MED24: variants seen among roughly 807,000 people sequenced by gnomAD.
MED24 encodes mediator complex subunit 24.
MED24 carries 74 observed loss-of-function variants against 118.8 expected under a neutral mutation model. The ratio of observed to expected loss-of-function variants is 0.62; its 90% CI spans 0.52 to 0.76. The LOEUF (loss-of-function observed/expected upper bound fraction) is 0.76. MED24 is among the 30% of genes least tolerant of loss of function. MED24 has a pLI of 0.00. For synonymous variants in MED24, 521 were observed against 523.9 expected (o/e 0.99, Z 0.08); for missense variants, 1,041 against 1,278.9 (o/e 0.81, Z 2.84).
At position 40,019,203 on chromosome 17, in the gene MED24, CAT is replaced by C. The variant is rs1555662004; in HGVS notation, c.*324_*325del. The stretch of plus-strand genomic sequence containing the variant: ...ACACACACACACACACACACACACA[CAT>C]ACACACTTTGCATCTAGAAAGTTCC... On this transcript the variant is annotated 3_prime_UTR_variant, in exon 26 of 26. Transcript: ENST00000394128. The C allele has an allele frequency of 1.5e-4, 46 of 302,478 alleles. No individual in the cohort carries two copies. The highest frequency in any genetic ancestry group is 7.0e-4 in the African/African-American group (32 of 45,516). 18.7% of individuals were successfully genotyped at this position (302,478 alleles called of 1,614,324 possible).
intron 3 of MED24, among the ~76,000 whole-genome samples, chr17:40,037,725 C>G (rs1186975972): frequency 6.6e-6 from 1 of 152,080 alleles, no homozygotes; most frequent in Non-Finnish European, 1.5e-5. Flanking sequence ...TCCTGGCTGA[C>G]ACGGTGAAAC....
In MED24 at chr17:40,022,688, T is replaced by C. The variant is rs373136853; in HGVS notation, c.2389A>G (p.Lys797Glu). The C allele has an allele frequency of 2.9e-5, 47 of 1,613,792 alleles. No individual in the cohort carries two copies. Among genetic ancestry groups the C allele is most frequent in the Non-Finnish European group, 3.8e-5 (45 of 1,179,964 alleles). Residue 797 changes from lysine to glutamate, a missense_variant, in exon 21 of 26, where the codon AAG (lysine) becomes GAG (glutamate). By Grantham distance (56) the Lys-to-Glu change is moderately conservative. Transcript: ENST00000394128. The part of the protein sequence containing the change: ...ILPGLLTDSS[K>E]WHSLMDPPGT... ...GGGGGGTCCATGAGGCTGTGCCACT[T>C]GGAGGAGTCAGTGAGCAGGCCAGGT...
intron 23 of MED24, among the ~76,000 whole-genome samples, chr17:40,021,005 G>A (rs1598329052): frequency 1.3e-5 from 2 of 152,002 alleles, no homozygotes; most frequent in African/African-American, 2.4e-5. Flanking sequence ...CCCAGGAGGC[G>A]GAGGTTGCAG....
At chr17:40,036,904 C>T (rs1336990003) in intron 3 of MED24, among the ~76,000 whole-genome samples, 1 of 152,120 alleles carries the variant, frequency 6.6e-6, no homozygotes, top group Non-Finnish European at 1.5e-5. Flanking sequence ...CAGGGAGTGG[C>T]TGGGCGTGGT....
chr17:40,020,298 C>T lies in MED24; in HGVS notation c.2679G>A (p.Met893Ile). 1.9e-6 allele frequency: 3 copies of T among 1,578,508 alleles called. No individual in the cohort carries two copies. Among genetic ancestry groups the T allele is most frequent in the Non-Finnish European group, 2.6e-6 (3 of 1,162,714 alleles). Residue 893 changes from methionine to isoleucine, a missense_variant, in exon 24 of 26, where the codon ATG (methionine) becomes ATA (isoleucine). Around this residue, in one of 3 missense-constraint regions of MED24, gnomAD observed 587 missense variants for 694.4 expected, o/e 0.85. Transcript: ENST00000394128. The stretch of plus-strand genomic sequence containing the variant: ...CCAGGACTCGGTTCAGAGGGTCCCG[C>T]ATGTTGACCGTGTGGAGCTGAGAGG... ...LSASQLHTVNMRDPLNRVLAN... is the reference protein window; with the variant it reads ...LSASQLHTVNIRDPLNRVLAN...
rs1981689301 is a variant in MED24 at position 40,019,627 on chromosome 17, C to A, written c.2872G>T (p.Val958Leu). The change falls in exon 26 of 26, where the codon GTG becomes TTG. Residue 958 changes from valine (V) to leucine (L), a missense_variant. Val to Leu is a conservative substitution (Grantham distance 32, BLOSUM62 1). Transcript: ENST00000394128. ...ACCTTGGGGCTGGACATGGCTGACA[C>A]CTTCACCAGTTCCGACACCTGCCAC... ...PFTTVSELVK[V>L]SAMSSPKVVL... 1.3e-6 allele frequency: 2 copies of A among 1,598,586 alleles called. No homozygotes were observed. Among genetic ancestry groups the A allele is most frequent in the Non-Finnish European group, 1.7e-6 (2 of 1,170,050 alleles).
Position 40,019,489 on chromosome 17 carries a change from G to T in MED24, c.*40C>A, listed in dbSNP as rs757526700. 1.2e-5 allele frequency: 18 copies of T among 1,556,270 alleles called. No homozygotes were observed. The East Asian group carries it at 3.6e-4, about 31-fold the overall frequency. Reference sequence around the variant, plus strand: ...GCTTCCCTTGGAGGCGCCTGGGGCTGCGCCAGTCCCCAGCCCCCACTGCGG... The same window carrying T: ...GCTTCCCTTGGAGGCGCCTGGGGCTTCGCCAGTCCCCAGCCCCCACTGCGG... On this transcript the variant is annotated 3_prime_UTR_variant, in exon 26 of 26. Transcript: ENST00000394128.
At position 40,035,216 on chromosome 17, in the gene MED24, C is replaced by T. The variant is rs772176765; in HGVS notation, c.460G>A (p.Gly154Arg). The T allele has an allele frequency of 6.2e-7, 1 of 1,614,108 alleles. No individual in the cohort carries two copies. Among genetic ancestry groups the T allele is most frequent in the Admixed American group, 1.7e-5 (1 of 60,022 alleles). ...EGLEAGTPAA[G>R]EKQLAMCLQR... Reference sequence around the variant, plus strand: ...AGGCACATGGCAAGCTGCTTCTCCCCAGCGGCTGGAGTGCCGGCCTCCAGC... The same window carrying T: ...AGGCACATGGCAAGCTGCTTCTCCCTAGCGGCTGGAGTGCCGGCCTCCAGC... Residue 154 changes from glycine to arginine, a missense_variant, in exon 6 of 26, where the codon GGG becomes AGG. By Grantham distance (125) the Gly-to-Arg change is moderately radical. Coordinates refer to ENST00000394128, the MANE Select transcript of MED24 (RefSeq NM_014815.4).
intron 3 of MED24, among the ~76,000 whole-genome samples, chr17:40,050,089 T>A (rs1985664053): frequency 7.0e-6 from 1 of 142,478 alleles, no homozygotes; most frequent in Non-Finnish European, 1.5e-5. Flanking sequence ...AGATGGAGGT[T>A]GCAGTGAGCC....
At chr17:40,036,039 C>A in intron 4 of MED24, 77 bp downstream of exon 4, 2 of 1,483,908 alleles carry the variant, frequency 1.3e-6, no homozygotes, top group South Asian at 2.3e-5. Flanking sequence ...CCTCACGGGT[C>A]ACAGCATCAG....
chr17:40,051,540 G>A (rs554003415), intron 3 of MED24, among the ~76,000 whole-genome samples: 3 of 151,492 alleles, frequency 2.0e-5, no homozygotes, highest in African/African-American at 7.3e-5. Flanking sequence ...CTTAAACCTG[G>A]GAGGCAGAGG....
At chr17:40,035,994 A>G (rs1319101071) in intron 4 of MED24, 122 bp downstream of exon 4, 2 of 1,240,838 alleles carry the variant, frequency 1.6e-6, no homozygotes, top group East Asian at 2.3e-5. Context: ...AAGTCCAGCA[A>G]TGCCAGCCAG....
chr17:40,032,843 G>T, intron 8 of MED24, 81 bp from the exon 9 acceptor site: 1 of 1,405,564 alleles, frequency 7.1e-7, no homozygotes, highest in Non-Finnish European at 1.0e-6. Context: ...ATTTGGCTGG[G>T]TCAGAGACTG....
In MED24 at chr17:40,019,193, C is replaced by CACACACAT. The variant is rs1477999842; in HGVS notation, c.*335_*336insATGTGTGT. 3.7e-6 allele frequency: 1 copy of CACACACAT among 266,852 alleles called. No homozygotes were observed. Among genetic ancestry groups the CACACACAT allele is most frequent in the Non-Finnish European group, 7.2e-6 (1 of 139,406 alleles). 16.5% of individuals were successfully genotyped at this position (266,852 alleles called of 1,614,324 possible). A position where few individuals can be genotyped will look rare whatever the true frequency, so the allele number is the denominator to read the frequency against. On this transcript the variant is annotated 3_prime_UTR_variant, in exon 26 of 26. Transcript: ENST00000394128. ...ACACACAAACACACACACACACACACACACACACACATACACACTTTGCAT... is the reference window on the plus strand; with the variant it reads ...ACACACAAACACACACACACACACACACACACATACACACACACATACACACTTTGCAT...
intron 3 of MED24, among the ~76,000 whole-genome samples, chr17:40,042,688 A>T (rs1362962378): frequency 6.6e-6 from 1 of 152,196 alleles, no homozygotes; most frequent in African/African-American, 2.4e-5. Context: ...CAAAAAAAAC[A>T]GAGAAAGATA....
At chr17:40,050,655 A>T (rs1387400925) in intron 3 of MED24, among the ~76,000 whole-genome samples, 1 of 152,106 alleles carries the variant, frequency 6.6e-6, no homozygotes, top group Non-Finnish European at 1.5e-5. Flanking sequence ...ATTCTCACTG[A>T]TAAGTGGGAG....
In MED24 at chr17:40,023,210, A is replaced by G; in HGVS notation, c.2171T>C (p.Val724Ala). 1 of 1,614,072 alleles carries G rather than the reference A, an allele frequency of 6.2e-7. No homozygotes were observed. Among genetic ancestry groups the G allele is most frequent in the Non-Finnish European group, 8.5e-7 (1 of 1,179,986 alleles). ...AAAGATGTGGATGGAGCGGCTGTCC[A>G]CCCAGCCCTTCTCCAGCACCTTGGC... ...IFAKVLEKGW[V>A]DSRSIHIFDT... Residue 724 changes from valine (V) to alanine (A), a missense_variant, in exon 20 of 26, where the codon GTG becomes GCG. Val to Ala is a moderately conservative substitution (Grantham distance 64). This residue lies in a region of MED24 where 587 missense variants were observed against 694.4 expected (regional missense o/e 0.85). Transcript: ENST00000394128.
At position 40,019,203 on chromosome 17, in the gene MED24, C is replaced by CACACACACATAT. The variant is rs371196849; in HGVS notation, c.*325_*326insATATGTGTGTGT. 1.3e-5 allele frequency: 4 copies of CACACACACATAT among 302,370 alleles called. No individual in the cohort carries two copies. The highest frequency in any genetic ancestry group is 4.7e-5 in the Admixed American group (1 of 21,266). The allele number at this position is 302,370 out of a possible 1,614,324, so 18.7% of individuals were successfully genotyped here. A position where few individuals can be genotyped will look rare whatever the true frequency, so the allele number is the denominator to read the frequency against. ...ACACACACACACACACACACACACA[C>CACACACACATAT]ATACACACTTTGCATCTAGAAAGTT... On this transcript the variant is annotated 3_prime_UTR_variant, in exon 26 of 26. Transcript: ENST00000394128.
chr17:40,031,182 G>A lies in MED24; in HGVS notation c.1131C>T (p.Ser377=), dbSNP rs1224131356. 11 of 1,570,646 alleles carry A rather than the reference G, an allele frequency of 7.0e-6. No homozygotes were observed. Among genetic ancestry groups the A allele is most frequent in the South Asian group, 1.2e-5 (1 of 85,382 alleles). Residue 377 remains serine, a synonymous_variant, in exon 12 of 26, where the codon AGC becomes AGT. Transcript: ENST00000394128. ...ACCGCTTAGCCATAAGGTTGTTGAC[G>A]CTGGCCTCAGACAGAAGCCCCTGCT... ...CGKQGLLSEA[S]VNNLMAKRKA... is the part of the protein sequence containing the mutation.
Sources: allele counts gnomAD v4.1 joint callset (sites outside exome capture counted in the v4.1 genomes callset), GRCh38; gene constraint gnomAD v4.1.1; regional missense constraint gnomAD v4.1.1; transcripts MANE v1.5; gene names NCBI Gene and HGNC (gene_info 2026-07-23, HGNC 2026-07-21).